Variants in ITPR1 observed in about 807,000 individuals in gnomAD.
ITPR1 encodes the protein inositol 1,4,5-trisphosphate receptor type 1.
ITPR1 carries 96 observed loss-of-function variants against 318.4 expected under a neutral mutation model. The ratio of observed to expected loss-of-function variants is 0.30; its 90% CI spans 0.26 to 0.36. The LOEUF (loss-of-function observed/expected upper bound fraction) is 0.36, where lower values mean the gene tolerates loss of function less well. ITPR1 is among the 10% of genes least tolerant of loss of function. ITPR1 has a pLI of 1.00. For missense variants in ITPR1, 2,440 were observed against 3,460.2 expected, an observed-to-expected ratio of 0.71 and a Z score of 7.40; for synonymous variants, 1,312 against 1,289.9, an observed-to-expected ratio of 1.02 and a Z score of -0.37.
rs921122925 is a variant in ITPR1 at position 4,688,097 on chromosome 3, A to G, written c.3703-398A>G. Among the ~76,000 whole-genome samples the G allele has an allele frequency of 5.9e-5, 9 of 151,864 alleles. No homozygotes were observed. The South Asian group carries it at 1.5e-3, about 25-fold the overall frequency. Reference sequence around the variant, plus strand: ...TTTTGTTAGAGATGGGTGTCTCACTATGTTGGCCAGGCTGTTCTCAAACTC... The same window carrying G: ...TTTTGTTAGAGATGGGTGTCTCACTGTGTTGGCCAGGCTGTTCTCAAACTC... On this transcript the variant is annotated intron_variant, in intron 30 of 61. Coordinates refer to ENST00000649015, the MANE Select transcript of ITPR1 (RefSeq NM_001378452.1).
At chr3:4,533,979 A>G (rs978797560) in intron 4 of ITPR1, among the ~76,000 whole-genome samples, 4 of 152,112 alleles carry the variant, frequency 2.6e-5, no homozygotes, top group African/African-American at 9.7e-5. Flanking sequence ...CTCTTTCCCA[A>G]AAGCTGCCCT....
At chr3:4,668,885 C>A (rs189322032) in intron 18 of ITPR1, among the ~76,000 whole-genome samples, 1 of 152,342 alleles carries the variant, frequency 6.6e-6, no homozygotes, top group African/African-American at 2.4e-5. Flanking sequence ...TTAGTGAATT[C>A]TATTGATTGT....
At chr3:4,548,566 G>C (rs2085253267) in intron 4 of ITPR1, among the ~76,000 whole-genome samples, 1 of 152,120 alleles carries the variant, frequency 6.6e-6, no homozygotes, top group African/African-American at 2.4e-5. Context: ...AGGTAGTGAT[G>C]AATGAACTCT....
At chr3:4,507,530 G>A (rs1006618236) in intron 2 of ITPR1, among the ~76,000 whole-genome samples, 1 of 152,184 alleles carries the variant, frequency 6.6e-6, no homozygotes, top group Non-Finnish European at 1.5e-5. Context: ...GCTTCCTAAA[G>A]TTCCTCCTGA....
chr3:4,628,210 G>A (rs777962502), intron 5 of ITPR1, among the ~76,000 whole-genome samples: 6 of 152,202 alleles, frequency 3.9e-5, no homozygotes, highest in African/African-American at 1.2e-4. Context: ...TCTTGGGCAC[G>A]TTATGTGCTG....
chr3:4,757,391 C>T (rs895735869), intron 44 of ITPR1, among the ~76,000 whole-genome samples: 9 of 152,132 alleles, frequency 5.9e-5, no homozygotes, highest in Non-Finnish European at 1.0e-4. Flanking sequence ...TTGAGGCATT[C>T]GAATGCATGT....
At chr3:4,783,150 A>C (rs1479928210) in intron 50 of ITPR1, among the ~76,000 whole-genome samples, 1 of 152,180 alleles carries the variant, frequency 6.6e-6, no homozygotes, top group Non-Finnish European at 1.5e-5. Context: ...ACTTGTCCTT[A>C]TGACTTCCTT....
At chr3:4,559,429 T>C (rs2086460030) in intron 4 of ITPR1, among the ~76,000 whole-genome samples, 1 of 152,230 alleles carries the variant, frequency 6.6e-6, no homozygotes, top group African/African-American at 2.4e-5. Flanking sequence ...TTATATATTT[T>C]AAAAGTCTTA....
At chr3:4,789,914 A>G (rs1231277530) in intron 52 of ITPR1, among the ~76,000 whole-genome samples, 1 of 152,216 alleles carries the variant, frequency 6.6e-6, no homozygotes, top group African/African-American at 2.4e-5. Context: ...CACTGCGCCC[A>G]GCCAATCCTG....
chr3:4,683,328 G>A, intron 26 of ITPR1, 58 bp from the exon 27 acceptor site: 2 of 1,581,854 alleles, frequency 1.3e-6, no homozygotes, highest in Middle Eastern at 1.7e-4. Flanking sequence ...GGGCCCAAGG[G>A]GCGTGAGAGG....
At chr3:4,553,757 C>T (rs1005523205) in intron 4 of ITPR1, among the ~76,000 whole-genome samples, 39 of 151,770 alleles carry the variant, frequency 2.6e-4, no homozygotes, top group Middle Eastern at 3.4e-3. Context: ...CCCACCACCA[C>T]GCCTGGCTAA....
chr3:4,821,403 G>A (rs770394524), intron 60 of ITPR1, among the ~76,000 whole-genome samples: 5 of 152,172 alleles, frequency 3.3e-5, no homozygotes, highest in African/African-American at 4.8e-5. Flanking sequence ...GATGCCACTC[G>A]GGCAGGGAGG....
chr3:4,601,179 T>TTA (rs1288515951), intron 4 of ITPR1, among the ~76,000 whole-genome samples: 23 of 148,426 alleles, frequency 1.5e-4, no homozygotes, highest in African/African-American at 5.4e-4. Flanking sequence ...AATATTCTTT[T>TTA]TTTTTTTTTT....
intron 4 of ITPR1, among the ~76,000 whole-genome samples, chr3:4,613,232 C>T (rs2092237286): frequency 6.6e-6 from 1 of 152,184 alleles, no homozygotes; most frequent in Non-Finnish European, 1.5e-5. Flanking sequence ...CTTTGTCAGT[C>T]TTCCACTAAA....
chr3:4,731,381 AAAATATCACCAGT>A (rs2042915971), intron 42 of ITPR1, among the ~76,000 whole-genome samples: 1 of 152,214 alleles, frequency 6.6e-6, no homozygotes, highest in Non-Finnish European at 1.5e-5. Context: ...AAAAGTACTT[AAAATATCACCAGT>A]AACTTACCCA....
rs564476865 is a variant in ITPR1 at position 4,679,248 on chromosome 3, C to T, written c.2968-1305C>T. Among the ~76,000 whole-genome samples, 8 of 152,260 alleles carry T rather than the reference C, an allele frequency of 5.3e-5. No homozygotes were observed. In the South Asian group the frequency reaches 1.0e-3, roughly 20 times the overall value. Reference sequence around the variant, plus strand: ...AAGACTGACAATGTTAGTGTGTTAGCGCTCTCCAGAGAAACAGAACAAATA... The same window carrying T: ...AAGACTGACAATGTTAGTGTGTTAGTGCTCTCCAGAGAAACAGAACAAATA... On this transcript the variant is annotated intron_variant, in intron 24 of 61. Transcript: ENST00000649015.
intron 60 of ITPR1, among the ~76,000 whole-genome samples, chr3:4,834,574 C>T (rs535503015): frequency 2.4e-4 from 36 of 152,276 alleles, no homozygotes; most frequent in East Asian, 5.8e-4. Context: ...AGTGACCTGT[C>T]GCCTATGTGT....
intron 4 of ITPR1, among the ~76,000 whole-genome samples, chr3:4,574,284 T>C (rs1321272381): frequency 6.6e-6 from 1 of 152,042 alleles, no homozygotes; most frequent in Non-Finnish European, 1.5e-5. Context: ...TGGCCCCAGA[T>C]CATCCTTCCT....
chr3:4,627,908 G>A (rs1477744856), intron 5 of ITPR1, 30 bp downstream of exon 5: 5 of 1,393,082 alleles, frequency 3.6e-6, no homozygotes, highest in Non-Finnish European at 4.0e-6. Context: ...TGTCGATGGG[G>A]CAGTAGTGAG....
Sources: allele counts gnomAD v4.1 joint callset (sites outside exome capture counted in the v4.1 genomes callset), GRCh38; gene constraint gnomAD v4.1.1; transcripts MANE v1.5; gene names NCBI Gene and HGNC (gene_info 2026-07-23, HGNC 2026-07-21).